The following PCYT1B variants were observed in gnomAD, a reference collection of about 807,000 sequenced individuals.
PCYT1B encodes phosphate cytidylyltransferase 1B, choline, also known as choline-phosphate cytidylyltransferase B.
PCYT1B carries 10 observed loss-of-function variants against 26.4 expected under a neutral mutation model. The ratio of observed to expected loss-of-function variants is 0.38; its 90% CI spans 0.23 to 0.64. The LOEUF (loss-of-function observed/expected upper bound fraction) is 0.64. Among genes scored for constraint, PCYT1B ranks in the 30% least tolerant of loss-of-function variants. The pLI, the probability that PCYT1B is intolerant of heterozygous loss-of-function variation, is 0.56. For synonymous variants in PCYT1B, 131 were observed against 108.4 expected (o/e 1.21, Z -1.29); for missense variants, 161 against 292.7 (o/e 0.55, Z 3.28).
intron 1 of PCYT1B, among the ~76,000 whole-genome samples, chrX:24,657,715 T>C (rs937369697): frequency 8.9e-6 from 1 of 111,934 alleles, no homozygotes; most frequent in African/African-American, 3.2e-5. Context: ...CTAACATAAG[T>C]GGATGTACTG....
At chrX:24,617,455 T>A (rs1205236221) in intron 2 of PCYT1B, among the ~76,000 whole-genome samples, 27 of 101,732 alleles carry the variant, frequency 2.7e-4, no homozygotes, top group Middle Eastern at 4.9e-3. Context: ...TATTATTATT[T>A]TTTTTTTTTT....
At chrX:24,668,552 C>T (rs1361769213) in intron 1 of PCYT1B, among the ~76,000 whole-genome samples, 1 of 110,899 alleles carries the variant, frequency 9.0e-6, no homozygotes. Context: ...CTGTGCAGAG[C>T]CCACAGGAGT....
chrX:24,630,984 G>T (rs750781150), intron 1 of PCYT1B, among the ~76,000 whole-genome samples: 2 of 111,185 alleles, frequency 1.8e-5, no homozygotes, highest in African/African-American at 6.5e-5. Context: ...GTGCAGTGGC[G>T]CGATCTCAGC....
At chrX:24,587,511 T>C (rs773339746) in intron 4 of PCYT1B, among the ~76,000 whole-genome samples, 192 bp from the exon 5 acceptor site, 3 of 112,367 alleles carry the variant, frequency 2.7e-5, no homozygotes, top group Non-Finnish European at 5.6e-5. Flanking sequence ...TAATGGGAAC[T>C]AGAAGAATAA....
At chrX:24,578,110 T>C (rs948430025) in intron 6 of PCYT1B, among the ~76,000 whole-genome samples, 4 of 111,349 alleles carry the variant, frequency 3.6e-5, no homozygotes, top group African/African-American at 1.3e-4. Context: ...AATGATAGAC[T>C]GGATAAAGAA....
intron 7 of PCYT1B, among the ~76,000 whole-genome samples, chrX:24,574,187 GA>G (rs1923946594): frequency 9.0e-6 from 1 of 111,554 alleles, no homozygotes; most frequent in African/African-American, 3.2e-5. Context: ...TAAAATCAGA[GA>G]AATCAAATGG....
intron 1 of PCYT1B, chrX:24,632,360 C>G (rs1012559005): frequency 3.4e-5 from 5 of 147,885 alleles, no homozygotes; most frequent in African/African-American, 1.5e-4. Context: ...GAAAGCTACT[C>G]TATCTACATT....
intron 1 of PCYT1B, among the ~76,000 whole-genome samples, chrX:24,628,761 G>T (rs947206282): frequency 9.0e-6 from 1 of 111,403 alleles, no homozygotes; most frequent in African/African-American, 3.3e-5. Context: ...AAAAAGAACC[G>T]TAATTTAAAT....
intron 1 of PCYT1B, among the ~76,000 whole-genome samples, chrX:24,643,668 G>A (rs1926533933): frequency 8.9e-6 from 1 of 112,221 alleles, no homozygotes; most frequent in Admixed American, 9.5e-5. Context: ...TTTCCTGGCA[G>A]AAGAACTTCC....
chrX:24,603,876 G>C (rs1223099758), intron 3 of PCYT1B, among the ~76,000 whole-genome samples: 1 of 111,507 alleles, frequency 9.0e-6, no homozygotes, highest in Admixed American at 9.6e-5. Flanking sequence ...TACATCAAAG[G>C]AAGATTGCAC....
intron 2 of PCYT1B, among the ~76,000 whole-genome samples, chrX:24,617,457 T>TG (rs1475145545): frequency 3.9e-5 from 4 of 103,280 alleles, no homozygotes; most frequent in African/African-American, 1.4e-4. Flanking sequence ...TTATTATTTT[T>TG]TTTTTTTTGA....
chrX:24,671,126 C>A (rs766919675), intron 1 of PCYT1B, among the ~76,000 whole-genome samples: 73 of 110,213 alleles, frequency 6.6e-4, no homozygotes, highest in Non-Finnish European at 1.2e-3. Flanking sequence ...CACCACCATG[C>A]CTGGCTAATT....
At chrX:24,633,846 A>G (rs1482434858) in intron 1 of PCYT1B, among the ~76,000 whole-genome samples, 2 of 111,494 alleles carry the variant, frequency 1.8e-5, no homozygotes, top group Non-Finnish European at 3.8e-5. Context: ...TGATAATGTT[A>G]TGTGAGGACT....
At chrX:24,631,110 GA>G (rs1176443443) in intron 1 of PCYT1B, among the ~76,000 whole-genome samples, 1 of 111,320 alleles carries the variant, frequency 9.0e-6, no homozygotes, top group African/African-American at 3.3e-5. Context: ...TTTTAGTAGA[GA>G]CGGGGTTTCA....
Position 24,647,165 on chromosome X carries a change from T to C in PCYT1B, c.-60A>G, listed in dbSNP as rs1412136957. The C allele has an allele frequency of 1.7e-6, 2 of 1,171,619 alleles. No homozygotes were observed. The highest frequency in any genetic ancestry group is 3.6e-5 in the African/African-American group (2 of 56,193). On this transcript the variant is annotated 5_prime_UTR_variant, in exon 1 of 8. Transcript: ENST00000379144. ...AGAGAGTCTCCTCCCAGGCAGAGAATGTTTTCTTTGTCACGTATTTTTCTC... is the reference window on the plus strand; with the variant it reads ...AGAGAGTCTCCTCCCAGGCAGAGAACGTTTTCTTTGTCACGTATTTTTCTC...
At chrX:24,630,485 T>C (rs756598304) in intron 1 of PCYT1B, among the ~76,000 whole-genome samples, 18 of 110,934 alleles carry the variant, frequency 1.6e-4, no homozygotes, top group South Asian at 3.9e-4. Context: ...TTGCTAGAGA[T>C]GGGGTTTCAC....
intron 2 of PCYT1B, among the ~76,000 whole-genome samples, chrX:24,610,485 A>G (rs1291007967): frequency 8.9e-6 from 1 of 111,981 alleles, no homozygotes; most frequent in Non-Finnish European, 1.9e-5. Flanking sequence ...CTTGCTTTCA[A>G]TGTTCTTATT....
intron 2 of PCYT1B, among the ~76,000 whole-genome samples, chrX:24,615,066 C>T (rs776505366): frequency 8.9e-6 from 1 of 111,887 alleles, no homozygotes; most frequent in Non-Finnish European, 1.9e-5. Flanking sequence ...GTGATCCACT[C>T]GCCTCGGCCT....
intron 1 of PCYT1B, among the ~76,000 whole-genome samples, chrX:24,657,028 C>T (rs1400788801): frequency 9.0e-6 from 1 of 111,431 alleles, no homozygotes; most frequent in East Asian, 2.8e-4. Flanking sequence ...ATTAAAGTTG[C>T]CCTTAGCTGG....
Sources: allele counts gnomAD v4.1 joint callset (sites outside exome capture counted in the v4.1 genomes callset), GRCh38; gene constraint gnomAD v4.1.1; transcripts MANE v1.5; gene names NCBI Gene and HGNC (gene_info 2026-07-23, HGNC 2026-07-21).